The following TMEM160 variants were observed in gnomAD, a reference collection of about 807,000 sequenced individuals.
TMEM160 encodes the protein transmembrane protein 160.
A neutral mutation model predicts 13.9 loss-of-function variants in TMEM160; 10 were observed. The ratio of observed to expected loss-of-function variants is 0.72; its 90% confidence interval spans 0.45 to 1.22. TMEM160 has a LOEUF of 1.22. Ranked by LOEUF, TMEM160 falls within the 50% of genes most tolerant of loss-of-function variation. The pLI, the probability that TMEM160 is intolerant of heterozygous loss-of-function variation, is 0.00. For synonymous variants in TMEM160, 159 were observed against 134.8 expected (o/e 1.18, Z -1.25); for missense variants, 287 against 283.2 (o/e 1.01, Z -0.10).
chr19:47,046,183 A>T lies in TMEM160; in HGVS notation c.371T>A (p.Leu124Gln). The T allele has an allele frequency of 1.3e-6, 2 of 1,512,938 alleles. No homozygotes were observed. The highest frequency in any genetic ancestry group is 1.8e-6 in the Non-Finnish European group (2 of 1,138,074). The allele number at this position is 1,512,938 out of a possible 1,614,324, so 93.7% of individuals were successfully genotyped here. The part of the protein sequence containing the change: ...SASYAVGLAA[L>Q]RGPMQLTLGG... ...CAGCGTCAGCTGCATGGGTCCTCGC[A>T]GCGCCGCCAGGCCCACGGCGTACGA... is the stretch of plus-strand genomic sequence containing the variant. Residue 124 changes from leucine (L) to glutamine (Q), a missense_variant, in exon 3 of 3, where the codon CTG (leucine) becomes CAG (glutamine). Coordinates refer to ENST00000253047, the MANE Select transcript of TMEM160 (RefSeq NM_017854.2).
In TMEM160 at chr19:47,048,418, G is replaced by A; in HGVS notation, c.197C>T (p.Ala66Val). 2 of 1,476,242 alleles carry A rather than the reference G, an allele frequency of 1.4e-6. No homozygotes were observed. The highest frequency in any genetic ancestry group is 1.5e-5 in the African/African-American group (1 of 67,524). 91.4% of individuals were successfully genotyped at this position (1,476,242 alleles called of 1,614,324 possible). A position where few individuals can be genotyped will look rare whatever the true frequency, so the allele number is the denominator to read the frequency against. ...CCCTAGCCACCGACCTGTCTCGTGC[G>A]CTTTTCGGAGGAGCCAGGCGTCCGC... ...DRADAWLLRK[A>V]HETAFLSWFR... The change falls in exon 1 of 3, where the codon GCG becomes GTG. Residue 66 changes from alanine to valine, a missense_variant. Physicochemically the swap from Ala to Val is moderately conservative, Grantham distance 64. Transcript: ENST00000253047.
chr19:47,046,626 TGAA>T lies in TMEM160; in HGVS notation c.265_267del (p.Phe89del), dbSNP rs1389861577. The T allele has an allele frequency of 6.2e-7, 1 of 1,611,420 alleles. No individual in the cohort carries two copies. The highest frequency in any genetic ancestry group is 1.4e-5 in the African/African-American group (1 of 74,026). ...GCTTCCCGACCCATGTCACTCTGCATGAAGGAGATGACCCCGATGCCCGATGCC... is the reference window on the plus strand; with the variant it reads ...GCTTCCCGACCCATGTCACTCTGCATGGAGATGACCCCGATGCCCGATGCC... On this transcript the variant is annotated inframe_deletion, in exon 2 of 3. Transcript: ENST00000253047.
rs766959864 is a variant in TMEM160 at position 47,046,667 on chromosome 19, C to A, written c.227G>T (p.Arg76Leu). The A allele has an allele frequency of 1.9e-6, 3 of 1,612,106 alleles. No homozygotes were observed. Among genetic ancestry groups the A allele is most frequent in the African/African-American group, 2.7e-5 (2 of 74,556 alleles). ...GATGCCCGATGCCAGGAGGCCATTG[C>A]GGAACCAGGAGAGGAAGGCTGGAGG... ...AHETAFLSWF[R>L]NGLLASGIGV... is the part of the protein sequence containing the mutation. The change falls in exon 2 of 3, where the codon CGC becomes CTC. Residue 76 changes from arginine (R) to leucine (L), a missense_variant. Coordinates refer to ENST00000253047, the MANE Select transcript of TMEM160 (RefSeq NM_017854.2).
At chr19:47,046,830 C>A (rs767092820) in intron 1 of TMEM160, 145 bp from the exon 2 acceptor site, 1 of 653,668 alleles carries the variant, frequency 1.5e-6, no homozygotes, top group Admixed American at 2.4e-5. Context: ...ATCCTCACCT[C>A]TTCCAGGAAG....
Position 47,046,160 on chromosome 19 carries a change from G to A in TMEM160, c.394C>T (p.Leu132=). ...CCCGCGCCCACGGCCGCGCCCCCCA[G>A]CGTCAGCTGCATGGGTCCTCGCAGC... ...AALRGPMQLT[L]GGAAVGAGAV... is the part of the protein sequence containing the mutation. The change falls in exon 3 of 3, where the codon CTG becomes TTG. Residue 132 remains leucine (L), a synonymous_variant. Transcript: ENST00000253047. 1.4e-6 allele frequency: 2 copies of A among 1,477,138 alleles called. No homozygotes were observed. 91.5% of individuals were successfully genotyped at this position (1,477,138 alleles called of 1,614,324 possible).
rs1207477349 is a variant in TMEM160, at chr19:47,046,149, C to T, written c.405G>A (p.Ala135=). 1.4e-6 allele frequency: 2 copies of T among 1,470,624 alleles called. No individual in the cohort carries two copies. The highest frequency in any genetic ancestry group is 3.0e-5 in the African/African-American group (2 of 67,430). 91.1% of individuals were successfully genotyped at this position (1,470,624 alleles called of 1,614,324 possible). A position where few individuals can be genotyped will look rare whatever the true frequency, so the allele number is the denominator to read the frequency against. ...CCAGCACGGCGCCCGCGCCCACGGCCGCGCCCCCCAGCGTCAGCTGCATGG... is the reference window on the plus strand; with the variant it reads ...CCAGCACGGCGCCCGCGCCCACGGCTGCGCCCCCCAGCGTCAGCTGCATGG... The part of the protein sequence containing the change: ...RGPMQLTLGG[A]AVGAGAVLAA... Residue 135 remains alanine, a synonymous_variant, in exon 3 of 3, where the codon GCG becomes GCA. Coordinates refer to ENST00000253047, the MANE Select transcript of TMEM160 (RefSeq NM_017854.2).
intron 1 of TMEM160, 96 bp from the exon 2 acceptor site, chr19:47,046,781 C>T: frequency 2.2e-6 from 2 of 892,206 alleles, no homozygotes; most frequent in Non-Finnish European, 3.6e-6. Context: ...CCCTTCAGCT[C>T]ACCCCATCCC....
In TMEM160 at chr19:47,048,578, G is replaced by C. The variant is rs940453875; in HGVS notation, c.37C>G (p.Leu13Val). ...GACCTCCGGAAGCGAAGACGGGCAAGGCGAGCGGCCCGAGCCCACCACCAG... is the reference window on the plus strand; with the variant it reads ...GACCTCCGGAAGCGAAGACGGGCAACGCGAGCGGCCCGAGCCCACCACCAG... ...GGWWWARAAR[L>V]ARLRFRRSLL... The change falls in exon 1 of 3, where the codon CTT becomes GTT. Residue 13 changes from leucine to valine, a missense_variant. Physicochemically the swap from Leu to Val is conservative, Grantham distance 32. Transcript: ENST00000253047. 8 of 1,523,232 alleles carry C rather than the reference G, an allele frequency of 5.3e-6. No individual in the cohort carries two copies. The African/African-American group carries it at 1.1e-4, about 22-fold the overall frequency. The allele number at this position is 1,523,232 out of a possible 1,614,324, so 94.4% of individuals were successfully genotyped here.
intron 1 of TMEM160, chr19:47,047,392 G>C: frequency 1.0e-6 from 1 of 985,074 alleles, no homozygotes; most frequent in Non-Finnish European, 1.2e-6. Flanking sequence ...AATCCAGGCC[G>C]CTCTTCAGCC....
rs200562809 is a variant in TMEM160 at position 47,046,668 on chromosome 19, G to A, written c.226C>T (p.Arg76Cys). 11 of 1,613,102 alleles carry A rather than the reference G, an allele frequency of 6.8e-6. No individual in the cohort carries two copies. The highest frequency in any genetic ancestry group is 2.2e-5 in the East Asian group (1 of 44,834). Residue 76 changes from arginine (R) to cysteine (C), a missense_variant, in exon 2 of 3, where the codon CGC (arginine) becomes TGC (cysteine). Transcript: ENST00000253047. ...AHETAFLSWFRNGLLASGIGV... is the reference protein window; with the variant it reads ...AHETAFLSWFCNGLLASGIGV... Reference sequence around the variant, plus strand: ...ATGCCCGATGCCAGGAGGCCATTGCGGAACCAGGAGAGGAAGGCTGGAGGG... The same window carrying A: ...ATGCCCGATGCCAGGAGGCCATTGCAGAACCAGGAGAGGAAGGCTGGAGGG...
In TMEM160 at chr19:47,046,236, G is replaced by A. The variant is rs1402472643; in HGVS notation, c.318C>T (p.Gly106=). The A allele has an allele frequency of 2.0e-6, 3 of 1,536,528 alleles. No homozygotes were observed. In the South Asian group the frequency reaches 3.6e-5, roughly 18 times the overall value. The stretch of plus-strand genomic sequence containing the variant: ...CGCTGCCCCACACCACGCACAGGCC[G>A]CCCAGCAGGAAGAAGCCTGCGGGAG... The part of the protein sequence containing the change: ...REAAYGFFLL[G]GLCVVWGSAS... The change falls in exon 3 of 3, where the codon GGC becomes GGT. Residue 106 remains glycine (G), a synonymous_variant. Transcript: ENST00000253047.
At position 47,046,135 on chromosome 19, in the gene TMEM160, C is replaced by CCCGCGCCCACGG; in HGVS notation, c.407_418dup (p.Ala136_Ala139dup). 6 of 1,479,134 alleles carry CCCGCGCCCACGG rather than the reference C, an allele frequency of 4.1e-6. No homozygotes were observed. The highest frequency in any genetic ancestry group is 1.3e-5 in the South Asian group (1 of 77,638). 91.6% of individuals were successfully genotyped at this position (1,479,134 alleles called of 1,614,324 possible). Reference sequence around the variant, plus strand: ...GAGCAGGCTGGCGGCCAGCACGGCGCCCGCGCCCACGGCCGCGCCCCCCAG... The same window carrying CCCGCGCCCACGG: ...GAGCAGGCTGGCGGCCAGCACGGCGCCCGCGCCCACGGCCGCGCCCACGGCCGCGCCCCCCAG... On this transcript the variant is annotated inframe_insertion, in exon 3 of 3. Coordinates refer to ENST00000253047, the MANE Select transcript of TMEM160 (RefSeq NM_017854.2).
chr19:47,047,308 C>T, intron 1 of TMEM160: 6 of 985,112 alleles, frequency 6.1e-6, no homozygotes, highest in Non-Finnish European at 7.2e-6. Flanking sequence ...CTTGGCCAAA[C>T]CCCTCCCTCT....
At chr19:47,048,057 T>C (rs1471988819) in intron 1 of TMEM160, among the ~76,000 whole-genome samples, 1 of 147,120 alleles carries the variant, frequency 6.8e-6, no homozygotes, top group Non-Finnish European at 1.5e-5. Flanking sequence ...AGTGGTGGCC[T>C]CTGCAATCGG....
rs1392917929 is a variant in TMEM160, at chr19:47,046,263, G to A, written c.302-11C>T. 4 of 1,532,968 alleles carry A rather than the reference G, an allele frequency of 2.6e-6. No homozygotes were observed. Among genetic ancestry groups the A allele is most frequent in the Non-Finnish European group, 3.5e-6 (4 of 1,145,170 alleles). 95.0% of individuals were successfully genotyped at this position (1,532,968 alleles called of 1,614,324 possible). A position where few individuals can be genotyped will look rare whatever the true frequency, so the allele number is the denominator to read the frequency against. ...CCAGCAGGAAGAAGCCTGCGGGAGAGGCAGGGTAGCAACAGGGCCAAGGTC... is the reference window on the plus strand; with the variant it reads ...CCAGCAGGAAGAAGCCTGCGGGAGAAGCAGGGTAGCAACAGGGCCAAGGTC... On this transcript the variant is annotated splice_polypyrimidine_tract_variant and intron_variant, in intron 2 of 2. Coordinates refer to ENST00000253047, the MANE Select transcript of TMEM160 (RefSeq NM_017854.2).
intron 1 of TMEM160, chr19:47,047,846 T>TA (rs1381639020): frequency 3.1e-6 from 3 of 971,302 alleles, no homozygotes; most frequent in African/African-American, 3.5e-5. Flanking sequence ...ACACCGTCAT[T>TA]AAAAAAATAA....
chr19:47,045,915 AG>A lies in TMEM160; in HGVS notation c.*71del. The A allele has an allele frequency of 7.0e-7, 1 of 1,419,312 alleles. No homozygotes were observed. The highest frequency in any genetic ancestry group is 9.2e-7 in the Non-Finnish European group (1 of 1,082,492). 87.9% of individuals were successfully genotyped at this position (1,419,312 alleles called of 1,614,324 possible). A position where few individuals can be genotyped will look rare whatever the true frequency, so the allele number is the denominator to read the frequency against. ...CGAACCAATACTCTGCATCTGGAGG[AG>A]GGGAGGTCAGGTTTAATGTCCCAGT... On this transcript the variant is annotated 3_prime_UTR_variant, in exon 3 of 3. Transcript: ENST00000253047.
In TMEM160 at chr19:47,047,332, C is replaced by A. The variant is rs571339661; in HGVS notation, c.209-647G>T. The A allele has an allele frequency of 9.9e-5, 98 of 985,494 alleles. 1 individual carries two copies. The African/African-American group carries it at 1.5e-3, about 15-fold the overall frequency. 61.0% of individuals were successfully genotyped at this position (985,494 alleles called of 1,614,324 possible). On this transcript the variant is annotated intron_variant, in intron 1 of 2. Transcript: ENST00000253047. ...ACCCCTCCCTCTACGTGTACCCCCA[C>A]GGCCTGCCCACTCACTTCTTTCTCA...
chr19:47,047,373 CTG>C, intron 1 of TMEM160: 1 of 983,034 alleles, frequency 1.0e-6, no homozygotes, highest in African/African-American at 1.8e-5. Context: ...CTGGGACAAA[CTG>C]TTTCCTAATC....
Sources: gnomAD v4.1 joint callset for allele counts (sites outside exome capture counted in the v4.1 genomes callset) on GRCh38, gnomAD v4.1.1 for gene constraint, MANE v1.5 for transcripts, NCBI Gene and HGNC (gene_info 2026-07-23, HGNC 2026-07-21) for gene names.